CYP4Z1: variants seen among roughly 807,000 people sequenced by gnomAD.
The protein encoded by CYP4Z1 is cytochrome P450 family 4 subfamily Z member 1, also known as cytochrome P450 4Z1.
A neutral mutation model predicts 54.2 loss-of-function variants in CYP4Z1; 41 were observed. The observed-to-expected ratio is 0.76, with a 90% confidence interval of 0.59 to 0.98. CYP4Z1 has a LOEUF of 0.98. Ranked by LOEUF, CYP4Z1 falls within the 50% of genes least tolerant of loss-of-function variation. CYP4Z1 has a pLI of 0.00. For synonymous variants in CYP4Z1, 163 were observed against 206.2 expected (o/e 0.79, Z 1.79); for missense variants, 513 against 599.0 (o/e 0.86, Z 1.50).
At chr1:47,105,054 T>A (rs188577596) in intron 8 of CYP4Z1, among the ~76,000 whole-genome samples, 37 of 152,248 alleles carry the variant, frequency 2.4e-4, no homozygotes, top group African/African-American at 8.9e-4. Flanking sequence ...TGAGGGTGAC[T>A]CATGATTTGC....
chr1:47,088,879 C>G (rs1480631153), intron 6 of CYP4Z1, among the ~76,000 whole-genome samples: 1 of 143,716 alleles, frequency 7.0e-6, no homozygotes, highest in Non-Finnish European at 1.5e-5. Flanking sequence ...GCGTCAGCCT[C>G]CCAAAGTGCT....
chr1:47,102,216 C>T (rs1164543937), intron 8 of CYP4Z1, among the ~76,000 whole-genome samples: 3 of 152,016 alleles, frequency 2.0e-5, no homozygotes, highest in African/African-American at 7.3e-5. Flanking sequence ...CCAATGTATA[C>T]CTTTTAAGTG....
chr1:47,099,062 C>T (rs763027672), intron 7 of CYP4Z1, 32 bp from the exon 8 acceptor site: 72 of 1,611,440 alleles, frequency 4.5e-5, no homozygotes, highest in Non-Finnish European at 5.9e-5. Flanking sequence ...CCATAGCCAG[C>T]TTTGGATAAA....
the CYP4Z1 span, among the ~76,000 whole-genome samples, chr1:47,057,074 T>G: frequency 6.6e-6 from 1 of 151,930 alleles, no homozygotes; most frequent in South Asian, 2.1e-4. Flanking sequence ...TTCCTTTCCA[T>G]GTTTAGTGCT....
intron 9 of CYP4Z1, among the ~76,000 whole-genome samples, chr1:47,112,081 T>A: frequency 6.6e-6 from 1 of 150,986 alleles, no homozygotes; most frequent in African/African-American, 2.4e-5. Flanking sequence ...AATAAAAGAG[T>A]AAACTAAAAG....
At chr1:47,087,804 C>T (rs1369852058) in intron 6 of CYP4Z1, among the ~76,000 whole-genome samples, 1 of 152,218 alleles carries the variant, frequency 6.6e-6, no homozygotes, top group Non-Finnish European at 1.5e-5. Context: ...CAGGTTTTGC[C>T]CATTCAGTAT....
Position 47,068,473 on chromosome 1 carries a change from G to A in CYP4Z1, c.178-149G>A, listed in dbSNP as rs74073734. On this transcript the variant is annotated intron_variant, in intron 1 of 11. Coordinates refer to ENST00000334194, the MANE Select transcript of CYP4Z1 (RefSeq NM_178134.3). ...TTCTGTGGAGGTGCTGGAGACACATGGAGAAGAAAACTTGCCTTCAACAGA... is the reference window on the plus strand; with the variant it reads ...TTCTGTGGAGGTGCTGGAGACACATAGAGAAGAAAACTTGCCTTCAACAGA... 1,746 of 964,038 alleles carry A rather than the reference G, an allele frequency of 1.8e-3. 18 individuals carry two copies. In the African/African-American group the frequency reaches 0.022, roughly 12 times the overall value. 59.7% of individuals were successfully genotyped at this position (964,038 alleles called of 1,614,324 possible). A position where few individuals can be genotyped will look rare whatever the true frequency, so the allele number is the denominator to read the frequency against.
chr1:47,101,716 T>G (rs1471101174), intron 8 of CYP4Z1, among the ~76,000 whole-genome samples: 1 of 152,166 alleles, frequency 6.6e-6, no homozygotes. Context: ...AAAATATGTA[T>G]TCTTCACCTA....
upstream of CYP4Z1, among the ~76,000 whole-genome samples, chr1:47,062,664 C>A (rs1187472590): frequency 6.6e-6 from 1 of 152,106 alleles, no homozygotes; most frequent in East Asian, 1.9e-4. Context: ...ACTACACCCC[C>A]ATCCCCCACA....
intron 7 of CYP4Z1, 27 bp from the exon 8 acceptor site, chr1:47,099,067 G>A (rs747272494): frequency 1.9e-6 from 3 of 1,613,070 alleles, no homozygotes. Context: ...GCCAGCTTTG[G>A]ATAAAGATCA....
chr1:47,086,991 A>G (rs1644600233), intron 6 of CYP4Z1, among the ~76,000 whole-genome samples: 1 of 152,316 alleles, frequency 6.6e-6, no homozygotes, highest in East Asian at 1.9e-4. Context: ...TTTGTCAAAT[A>G]TCAGATGGGT....
At chr1:47,078,103 T>G (rs1644538639) in intron 2 of CYP4Z1, among the ~76,000 whole-genome samples, 1 of 152,204 alleles carries the variant, frequency 6.6e-6, no homozygotes. Flanking sequence ...CTATTGGAAA[T>G]TTTCAACCAT....
chr1:47,114,304 T>A (rs1201312638), intron 9 of CYP4Z1, among the ~76,000 whole-genome samples: 6 of 152,272 alleles, frequency 3.9e-5, no homozygotes, highest in South Asian at 2.1e-4. Flanking sequence ...TCAAGATGGA[T>A]TAAAGACTTA....
At position 47,099,110 on chromosome 1, in the gene CYP4Z1, A is replaced by G. The variant is rs752678703; in HGVS notation, c.893A>G (p.Asp298Gly). The part of the protein sequence containing the change: ...LLSAKSENTK[D>G]FSEADLQAEV... ...ATTTTTTAGAGCGAAAACACCAAAG[A>G]TTTCTCTGAAGCAGATCTCCAGGCT... Residue 298 changes from aspartate (D) to glycine (G), a missense_variant, in exon 8 of 12, where the codon GAT (aspartate) becomes GGT (glycine). Asp to Gly is a moderately conservative substitution (Grantham distance 94). Transcript: ENST00000334194. The G allele has an allele frequency of 1.5e-5, 25 of 1,613,942 alleles. No homozygotes were observed. The highest frequency in any genetic ancestry group is 1.6e-4 in the Middle Eastern group (1 of 6,082).
At chr1:47,058,712 C>G in the CYP4Z1 span, among the ~76,000 whole-genome samples, 1 of 152,020 alleles carries the variant, frequency 6.6e-6, no homozygotes, top group Non-Finnish European at 1.5e-5. Context: ...AATATTTTTG[C>G]CCTGCACCAG....
At chr1:47,108,548 C>G (rs2148540758) in intron 9 of CYP4Z1, among the ~76,000 whole-genome samples, 1 of 152,134 alleles carries the variant, frequency 6.6e-6, no homozygotes. Flanking sequence ...CTTTCTCTCC[C>G]ACACCTCACA....
At chr1:47,087,928 C>G (rs1054901124) in intron 6 of CYP4Z1, among the ~76,000 whole-genome samples, 2 of 152,084 alleles carry the variant, frequency 1.3e-5, no homozygotes, top group African/African-American at 4.8e-5. Context: ...TTGTCAAAGG[C>G]CTTTTCTGCA....
intron 8 of CYP4Z1, among the ~76,000 whole-genome samples, chr1:47,102,191 T>G (rs1644726541): frequency 6.6e-6 from 1 of 152,222 alleles, no homozygotes; most frequent in Admixed American, 6.5e-5. Flanking sequence ...GGGTCATGTT[T>G]TTCAATCCAT....
At chr1:47,093,605 C>G (rs1174358228) in intron 6 of CYP4Z1, among the ~76,000 whole-genome samples, 1 of 152,158 alleles carries the variant, frequency 6.6e-6, no homozygotes, top group East Asian at 1.9e-4. Context: ...TTAGAATCCC[C>G]TTACTAAGTA....
Sources: gnomAD v4.1 joint callset for allele counts (sites outside exome capture counted in the v4.1 genomes callset) on GRCh38, gnomAD v4.1.1 for gene constraint, MANE v1.5 for transcripts, NCBI Gene and HGNC (gene_info 2026-07-23, HGNC 2026-07-21) for gene names.